Variants in RNGTT observed in about 807,000 individuals in gnomAD.
RNGTT encodes the protein RNA guanylyltransferase and 5'-phosphatase.
Under a neutral mutation model 79.3 loss-of-function variants are expected in RNGTT, and 33 were observed. The observed-to-expected ratio is 0.42, with a 90% CI of 0.32 to 0.56. The LOEUF is 0.56. Among genes scored for constraint, RNGTT ranks in the 20% least tolerant of loss-of-function variants. The pLI is 0.17. For synonymous variants in RNGTT, 222 were observed against 235.9 expected, an observed-to-expected ratio of 0.94 and a Z score of 0.54; for missense variants, 497 against 739.1, an observed-to-expected ratio of 0.67 and a Z score of 3.80.
intron 14 of RNGTT, among the ~76,000 whole-genome samples, chr6:88,665,117 T>G (rs1774348571): frequency 6.6e-6 from 1 of 152,148 alleles, no homozygotes; most frequent in Non-Finnish European, 1.5e-5. Flanking sequence ...TGAAGTTGCC[T>G]GGAACAGGAG....
intron 11 of RNGTT, among the ~76,000 whole-genome samples, chr6:88,805,488 AG>A (rs1378376781): frequency 6.6e-6 from 1 of 152,202 alleles, no homozygotes; most frequent in Non-Finnish European, 1.5e-5. Flanking sequence ...ATGATGCAAA[AG>A]TTACCTGGGA....
intron 13 of RNGTT, among the ~76,000 whole-genome samples, chr6:88,753,080 G>A (rs1008649480): frequency 3.3e-5 from 5 of 151,976 alleles, no homozygotes; most frequent in Admixed American, 1.3e-4. Context: ...GAAAGCTGCT[G>A]TAATGTTATC....
intron 13 of RNGTT, among the ~76,000 whole-genome samples, chr6:88,689,858 A>G (rs1374251222): frequency 6.9e-6 from 1 of 144,662 alleles, no homozygotes; most frequent in African/African-American, 2.8e-5. Flanking sequence ...TCTCCCCAGA[A>G]AAACACGTAA....
intron 1 of RNGTT, among the ~76,000 whole-genome samples, chr6:88,956,777 G>T (rs1785445964): frequency 6.6e-6 from 1 of 152,152 alleles, no homozygotes; most frequent in Admixed American, 6.5e-5. Context: ...GGTGGCTCTT[G>T]CCTGTAATCC....
intron 1 of RNGTT, among the ~76,000 whole-genome samples, chr6:88,960,861 C>T (rs1460663707): frequency 6.6e-6 from 1 of 152,172 alleles, no homozygotes; most frequent in Non-Finnish European, 1.5e-5. Context: ...TGAATCCTAA[C>T]ATTTACAACA....
chr6:88,681,590 A>G (rs528464609), intron 13 of RNGTT, among the ~76,000 whole-genome samples: 1 of 152,306 alleles, frequency 6.6e-6, no homozygotes, highest in East Asian at 1.9e-4. Flanking sequence ...TTATTTTAAC[A>G]AATTGTATAT....
At chr6:88,800,264 T>C (rs182683145) in intron 12 of RNGTT, among the ~76,000 whole-genome samples, 113 of 152,354 alleles carry the variant, frequency 7.4e-4, no homozygotes, top group Non-Finnish European at 1.4e-3. Context: ...ATCTGCATTA[T>C]ATATACTTAA....
chr6:88,628,943 T>C (rs1202438885), intron 14 of RNGTT, among the ~76,000 whole-genome samples: 2 of 152,148 alleles, frequency 1.3e-5, no homozygotes, highest in African/African-American at 2.4e-5. Flanking sequence ...TGAACTCTCA[T>C]AGGTCATGCT....
rs1389020837 is a variant in RNGTT, at chr6:88,698,276, A to ATT, written c.1440-19858_1440-19857insAA. On this transcript the variant is annotated intron_variant, in intron 13 of 15. Coordinates refer to ENST00000369485, the MANE Select transcript of RNGTT (RefSeq NM_003800.5). ...ATATATATAAATATATATGATATAT[A>ATT]TATTTCATATATATCATATATATAT... Among the ~76,000 whole-genome samples, 34 of 125,274 alleles carry ATT rather than the reference A, an allele frequency of 2.7e-4. 3 individuals are homozygous for ATT. Among genetic ancestry groups the ATT allele is most frequent in the South Asian group, 1.5e-3 (6 of 4,114 alleles). The allele number at this position is 125,274 out of a possible 152,430, so 82.2% of individuals were successfully genotyped here.
Position 88,666,124 on chromosome 6 carries a change from G to A in RNGTT, c.1506+12229C>T, listed in dbSNP as rs186173261. Among the ~76,000 whole-genome samples the A allele has an allele frequency of 1.9e-3, 296 of 152,258 alleles. 4 individuals are homozygous for A. The highest frequency in any genetic ancestry group is 7.0e-3 in the African/African-American group (289 of 41,542). ...CAAACCTCTGGTACCAAGTTACAAA[G>A]GGGGGTGACATGGAACCATTTGAAT... On this transcript the variant is annotated intron_variant, in intron 14 of 15. Transcript: ENST00000369485.
At chr6:88,799,265 C>T (rs953989816) in intron 12 of RNGTT, among the ~76,000 whole-genome samples, 4 of 152,044 alleles carry the variant, frequency 2.6e-5, no homozygotes. Context: ...AAACTCCTAA[C>T]AAAAATTTCT....
chr6:88,950,003 G>T (rs13213900), intron 1 of RNGTT, among the ~76,000 whole-genome samples: 162 of 152,234 alleles, frequency 1.1e-3, no homozygotes, highest in African/African-American at 3.7e-3. Context: ...TTTCTTGTTA[G>T]GAGCTGGTAA....
intron 11 of RNGTT, among the ~76,000 whole-genome samples, chr6:88,832,683 G>A (rs554462249): frequency 2.2e-4 from 33 of 152,102 alleles, no homozygotes; most frequent in South Asian, 1.9e-3. Context: ...CAATCTATCC[G>A]TCTGACAAAG....
intron 2 of RNGTT, among the ~76,000 whole-genome samples, chr6:88,940,042 G>A (rs1344886558): frequency 6.6e-6 from 1 of 150,938 alleles, no homozygotes; most frequent in African/African-American, 2.4e-5. Flanking sequence ...ACAGGCATGA[G>A]CCACCATCCC....
At chr6:88,708,531 G>A (rs1776216646) in intron 13 of RNGTT, among the ~76,000 whole-genome samples, 1 of 151,952 alleles carries the variant, frequency 6.6e-6, no homozygotes. Context: ...CTTTGACCAT[G>A]GTAGCTCCAG....
chr6:88,745,762 TA>T (rs566622111), intron 13 of RNGTT, among the ~76,000 whole-genome samples: 71 of 144,458 alleles, frequency 4.9e-4, no homozygotes, highest in Admixed American at 6.3e-4. Flanking sequence ...TGTGTCGTAT[TA>T]AAAAAAAAAA....
chr6:88,843,729 T>C (rs1474215307), intron 11 of RNGTT, among the ~76,000 whole-genome samples: 3 of 151,414 alleles, frequency 2.0e-5, no homozygotes, highest in African/African-American at 7.3e-5. Context: ...CGGCTAATTT[T>C]TGTATTTTTA....
intron 1 of RNGTT, among the ~76,000 whole-genome samples, chr6:88,954,127 T>C (rs566939257): frequency 4.6e-5 from 7 of 152,328 alleles, no homozygotes; most frequent in African/African-American, 1.7e-4. Context: ...CAGTACCTTA[T>C]CTCAATACTG....
At position 88,762,941 on chromosome 6, in the gene RNGTT, T is replaced by A. The variant is rs144064159; in HGVS notation, c.1439+6833A>T. Among the ~76,000 whole-genome samples the A allele has an allele frequency of 4.5e-3, 689 of 152,114 alleles. 5 individuals carry two copies. The highest frequency in any genetic ancestry group is 0.015 in the African/African-American group (637 of 41,462). ...AAGGTATTTTCTTTTTCCTTTTTTTTAAGGAAGGGTCTCACTCTGTCACTC... is the reference window on the plus strand; with the variant it reads ...AAGGTATTTTCTTTTTCCTTTTTTTAAAGGAAGGGTCTCACTCTGTCACTC... On this transcript the variant is annotated intron_variant, in intron 13 of 15. Transcript: ENST00000369485.
Sources: allele counts gnomAD v4.1 joint callset (sites outside exome capture counted in the v4.1 genomes callset), GRCh38; gene constraint gnomAD v4.1.1; transcripts MANE v1.5; gene names NCBI Gene and HGNC (gene_info 2026-07-23, HGNC 2026-07-21).